Variants in LRP2 observed in about 807,000 individuals in gnomAD.
The protein encoded by LRP2 is LDL receptor related protein 2, also known as low-density lipoprotein receptor-related protein 2.
Under a neutral mutation model 531.0 loss-of-function variants are expected in LRP2, and 172 were observed. The observed-to-expected ratio is 0.32, with a 90% CI of 0.29 to 0.37. LRP2 has a LOEUF of 0.37. LRP2 is among the 10% of genes least tolerant of loss of function. The pLI, the probability that LRP2 is intolerant of heterozygous loss-of-function variation, is 1.00. For synonymous variants in LRP2, 1,992 were observed against 2,027.6 expected, an observed-to-expected ratio of 0.98 and a Z score of 0.47; for missense variants, 5,167 against 5,868.3, an observed-to-expected ratio of 0.88 and a Z score of 3.90.
rs941068697 is a variant in LRP2 at position 169,175,443 on chromosome 2, T to C, written c.10572-54A>G. ...AGCAAAGCACCAGGGGCAACAGTTA[T>C]CTGGAGAGAAGAAGTCAACACTGAA... On this transcript the variant is annotated intron_variant, in intron 54 of 78. Coordinates refer to ENST00000649046, the MANE Select transcript of LRP2 (RefSeq NM_004525.3). The C allele has an allele frequency of 5.8e-6, 9 of 1,542,468 alleles. No homozygotes were observed. The South Asian group carries it at 6.7e-5, about 12-fold the overall frequency.
chr2:169,186,446 A>G (rs964566409), intron 49 of LRP2, among the ~76,000 whole-genome samples: 5 of 152,212 alleles, frequency 3.3e-5, no homozygotes, highest in African/African-American at 1.2e-4. Flanking sequence ...AGATGGCATG[A>G]GCTCAACACT....
chr2:169,137,586 TGCCTTCCTCAC>T, intron 75 of LRP2, 93 bp from the exon 76 acceptor site: 1 of 757,808 alleles, frequency 1.3e-6, no homozygotes. Context: ...CAAAGAAAGG[TGCCTTCCTCAC>T]ACCTGGAGGT....
At chr2:169,349,681 A>G (rs1463421119) in intron 1 of LRP2, among the ~76,000 whole-genome samples, 1 of 152,176 alleles carries the variant, frequency 6.6e-6, no homozygotes, top group Non-Finnish European at 1.5e-5. Flanking sequence ...CTTCCAGGAC[A>G]GGCCACATCC....
rs1426197900 is a variant in LRP2, at chr2:169,275,224, T to C, written c.1787A>G (p.His596Arg). The stretch of plus-strand genomic sequence containing the variant: ...GGGATGAGGAATGAGGGAGCCTCCA[T>C]GAACTACAGTCTTCCTGTTATAAAA... ...YDGIQRKTVVHGGSLIPHPFG... is the reference protein window; with the variant it reads ...YDGIQRKTVVRGGSLIPHPFG... Residue 596 changes from histidine to arginine, a missense_variant, in exon 14 of 79, where the codon CAT becomes CGT. By Grantham distance (29) the His-to-Arg change is conservative. This residue lies in a region of LRP2 where 2,811 missense variants were observed against 3,058.0 expected (regional missense o/e 0.92). Coordinates refer to ENST00000649046, the MANE Select transcript of LRP2 (RefSeq NM_004525.3). 2 of 1,613,358 alleles carry C rather than the reference T, an allele frequency of 1.2e-6. No homozygotes were observed. The highest frequency in any genetic ancestry group is 1.7e-5 in the Admixed American group (1 of 59,902).
chr2:169,202,696 C>A lies in LRP2; in HGVS notation c.8209+60G>T, dbSNP rs965530955. ...ATTCACACATAGCAGGATTCCATAC[C>A]AAACACTTGACATCAAGATGCCATT... On this transcript the variant is annotated intron_variant, in intron 43 of 78. Coordinates refer to ENST00000649046, the MANE Select transcript of LRP2 (RefSeq NM_004525.3). 2.6e-6 allele frequency: 4 copies of A among 1,547,682 alleles called. No individual in the cohort carries two copies. In the African/African-American group the frequency reaches 5.4e-5, roughly 21 times the overall value.
intron 1 of LRP2, among the ~76,000 whole-genome samples, chr2:169,327,492 G>C (rs1446608051): frequency 1.7e-5 from 2 of 114,434 alleles, no homozygotes; most frequent in Non-Finnish European, 1.8e-5. Context: ...AGGTGGGGGG[G>C]TCAGCCCCCC....
At chr2:169,199,459 T>C (rs1189395241) in intron 44 of LRP2, among the ~76,000 whole-genome samples, 1 of 152,148 alleles carries the variant, frequency 6.6e-6, no homozygotes, top group African/African-American at 2.4e-5. Flanking sequence ...ACAAAAATTG[T>C]CATCTCTCTG....
rs542405992 is a variant in LRP2 at position 169,295,151 on chromosome 2, C to A, written c.428-441G>T. ...TGCACAAGCTTGGAAAAAAGAAAGGCCATTTCTTCCACTGGCGGGTTGCAG... is the reference window on the plus strand; with the variant it reads ...TGCACAAGCTTGGAAAAAAGAAAGGACATTTCTTCCACTGGCGGGTTGCAG... On this transcript the variant is annotated intron_variant, in intron 4 of 78. Coordinates refer to ENST00000649046, the MANE Select transcript of LRP2 (RefSeq NM_004525.3). Among the ~76,000 whole-genome samples the A allele has an allele frequency of 7.2e-5, 11 of 152,272 alleles. No homozygotes were observed. The South Asian group carries it at 2.3e-3, about 32-fold the overall frequency.
chr2:169,300,675 T>C (rs1198898439), intron 4 of LRP2, among the ~76,000 whole-genome samples: 1 of 152,068 alleles, frequency 6.6e-6, no homozygotes, highest in East Asian at 1.9e-4. Flanking sequence ...CTTTCCTTCC[T>C]CCAGGTTTCA....
chr2:169,239,088 GT>G (rs1449578392), intron 26 of LRP2, among the ~76,000 whole-genome samples: 1 of 152,106 alleles, frequency 6.6e-6, no homozygotes, highest in Non-Finnish European at 1.5e-5. Flanking sequence ...GAAACTTTCT[GT>G]TTTTGTTTTA....
intron 16 of LRP2, among the ~76,000 whole-genome samples, chr2:169,263,928 G>A (rs1419004694): frequency 1.3e-5 from 2 of 152,052 alleles, no homozygotes; most frequent in African/African-American, 4.8e-5. Flanking sequence ...AAAAAATGAT[G>A]AGTTCATGTC....
At position 169,133,928 on chromosome 2, in the gene LRP2, A is replaced by G. The variant is rs374906826; in HGVS notation, c.13621-1247T>C. Among the ~76,000 whole-genome samples the G allele has an allele frequency of 5.3e-5, 8 of 152,300 alleles. No homozygotes were observed. The East Asian group carries it at 1.2e-3, about 22-fold the overall frequency. On this transcript the variant is annotated intron_variant, in intron 76 of 78. Transcript: ENST00000649046. ...CTGCAAAGCTTCACAGACAGCCCCCATTACTTCAGTCAAGCCCAAATTTCA... is the reference window on the plus strand; with the variant it reads ...CTGCAAAGCTTCACAGACAGCCCCCGTTACTTCAGTCAAGCCCAAATTTCA...
chr2:169,241,593 G>A (rs1374401724), intron 24 of LRP2, among the ~76,000 whole-genome samples: 3 of 152,094 alleles, frequency 2.0e-5, no homozygotes, highest in Non-Finnish European at 2.9e-5. Context: ...AGTACAGAAC[G>A]CACAACTGCT....
chr2:169,157,253 A>C (rs1474502608), intron 64 of LRP2, 118 bp downstream of exon 64: 2 of 1,108,816 alleles, frequency 1.8e-6, no homozygotes, highest in African/African-American at 3.1e-5. Flanking sequence ...GAACCATGAA[A>C]CCATGAGTAT....
intron 46 of LRP2, among the ~76,000 whole-genome samples, chr2:169,194,363 C>T (rs1687932112): frequency 6.6e-6 from 1 of 152,136 alleles, no homozygotes; most frequent in South Asian, 2.1e-4. Flanking sequence ...TGATTGGTTG[C>T]CTGTCTCCCC....
At chr2:169,336,014 CAA>C (rs573316085) in intron 1 of LRP2, among the ~76,000 whole-genome samples, 6 of 71,606 alleles carry the variant, frequency 8.4e-5, no homozygotes, top group Middle Eastern at 0.01. Context: ...GACTTCATCT[CAA>C]AAAAAAAAAA....
rs148503556 is a variant in LRP2 at position 169,280,361 on chromosome 2, C to A, written c.1330G>T (p.Val444Leu). 6 of 1,614,156 alleles carry A rather than the reference C, an allele frequency of 3.7e-6. No individual in the cohort carries two copies. The highest frequency in any genetic ancestry group is 4.2e-6 in the Non-Finnish European group (5 of 1,180,010). Residue 444 changes from valine (V) to leucine (L), a missense_variant, in exon 11 of 79, where the codon GTG becomes TTG. Physicochemically the swap from Val to Leu is conservative, Grantham distance 32. Transcript: ENST00000649046. ...AAATTTCTATTTACCTTATTTTGCA[C>A]GGTGTCTGTCCAAAAAACTCTTTGC... ...HLQRVFWTDT[V>L]QNKVFSVDIN...
At chr2:169,308,383 C>A (rs1574242249) in intron 3 of LRP2, among the ~76,000 whole-genome samples, 1 of 152,084 alleles carries the variant, frequency 6.6e-6, no homozygotes, top group South Asian at 2.1e-4. Flanking sequence ...CTCCCCTACC[C>A]CACGACAGGA....
intron 16 of LRP2, among the ~76,000 whole-genome samples, chr2:169,261,290 TCTC>T (rs1690537525): frequency 1.3e-5 from 2 of 151,410 alleles, no homozygotes; most frequent in Admixed American, 1.3e-4. Flanking sequence ...AGGAGGGAGT[TCTC>T]CTGAGGGCTT....
Sources: gnomAD v4.1 joint callset for allele counts (sites outside exome capture counted in the v4.1 genomes callset) on GRCh38, gnomAD v4.1.1 for gene constraint, gnomAD v4.1.1 regional missense constraint, MANE v1.5 for transcripts, NCBI Gene and HGNC (gene_info 2026-07-23, HGNC 2026-07-21) for gene names.